RBFOX1: variants seen among roughly 807,000 people sequenced by gnomAD.
RBFOX1 encodes RNA binding fox-1 homolog 1.
In RBFOX1, 8 loss-of-function variants were observed where a neutral mutation model predicts 57.7. That is an observed-to-expected ratio of 0.14 (90% CI 0.08 to 0.25). The LOEUF (loss-of-function observed/expected upper bound fraction) is 0.25, where lower values mean the gene tolerates loss of function less well. Among genes scored for constraint, RBFOX1 ranks in the 10% least tolerant of loss-of-function variants. RBFOX1 has a pLI of 1.00. For synonymous variants in RBFOX1, 326 were observed against 222.4 expected (o/e 1.47, Z -4.15); for missense variants, 611 against 548.5 (o/e 1.11, Z -1.14).
At chr16:5,700,191 A>T (rs1244651960) in intron 3 of RBFOX1, among the ~76,000 whole-genome samples, 1 of 152,200 alleles carries the variant, frequency 6.6e-6, no homozygotes, top group Non-Finnish European at 1.5e-5. Flanking sequence ...AGTTATTTGA[A>T]GTCAGCATTT....
At chr16:6,463,371 TAA>T (rs2094963672) in intron 2 of RBFOX1, among the ~76,000 whole-genome samples, 2 of 152,194 alleles carry the variant, frequency 1.3e-5, no homozygotes, top group South Asian at 4.1e-4. Context: ...TGTTGTGTAT[TAA>T]AGAGTTTTGC....
At chr16:5,560,988 T>G (rs1597534501) in intron 2 of RBFOX1, among the ~76,000 whole-genome samples, 1 of 152,154 alleles carries the variant, frequency 6.6e-6, no homozygotes, top group African/African-American at 2.4e-5. Flanking sequence ...GGAGAAATGG[T>G]TAATGCCAGG....
chr16:6,300,294 A>T (rs944522143), intron 1 of RBFOX1, among the ~76,000 whole-genome samples: 1 of 152,222 alleles, frequency 6.6e-6, no homozygotes, highest in Non-Finnish European at 1.5e-5. Context: ...AACAATGTAT[A>T]TACTTGAATA....
At chr16:7,688,260 TGAGAGA>T (rs141940868) in intron 14 of RBFOX1, among the ~76,000 whole-genome samples, 20 of 125,388 alleles carry the variant, frequency 1.6e-4, no homozygotes, top group African/African-American at 4.7e-4. Flanking sequence ...TGTGTGTGTG[TGAGAGA>T]GAGAGAGAGA....
chr16:6,234,202 G>A (rs74005004), intron 1 of RBFOX1, among the ~76,000 whole-genome samples: 313 of 152,238 alleles, frequency 2.1e-3, no homozygotes, highest in African/African-American at 6.7e-3. Context: ...CCTTCACCAC[G>A]CACTTGTTTA....
chr16:7,086,358 C>T (rs1189121572), intron 4 of RBFOX1, among the ~76,000 whole-genome samples: 1 of 152,024 alleles, frequency 6.6e-6, no homozygotes, highest in Non-Finnish European at 1.5e-5. Flanking sequence ...AATATTTCCC[C>T]CTCTCCCCTT....
At chr16:5,826,886 G>A (rs2151817010) in intron 3 of RBFOX1, among the ~76,000 whole-genome samples, 1 of 152,258 alleles carries the variant, frequency 6.6e-6, no homozygotes, top group South Asian at 2.1e-4. Context: ...GCAAGCTAAG[G>A]AGCCCTGAAT....
intron 4 of RBFOX1, among the ~76,000 whole-genome samples, chr16:7,446,438 T>C (rs767467001): frequency 3.3e-5 from 5 of 152,130 alleles, no homozygotes; most frequent in Non-Finnish European, 7.4e-5. Context: ...TTCAGCAAGT[T>C]CTCCCTCACT....
At chr16:7,078,061 G>A (rs1159276178) in intron 4 of RBFOX1, among the ~76,000 whole-genome samples, 2 of 152,270 alleles carry the variant, frequency 1.3e-5, no homozygotes, top group African/African-American at 4.8e-5. Flanking sequence ...AGATTTTCCT[G>A]CCTTTGCCTC....
intron 4 of RBFOX1, among the ~76,000 whole-genome samples, chr16:7,292,564 C>G (rs1458821756): frequency 1.4e-5 from 2 of 144,336 alleles, no homozygotes; most frequent in African/African-American, 2.6e-5. Context: ...AAATATATAA[C>G]AGAAGTGGGT....
intron 4 of RBFOX1, among the ~76,000 whole-genome samples, chr16:7,080,081 A>G (rs1252163503): frequency 4.9e-5 from 7 of 143,110 alleles, no homozygotes; most frequent in African/African-American, 1.6e-4. Context: ...ATATATACAT[A>G]TGTATATATG....
At chr16:5,314,265 A>G (rs895697651) in intron 1 of RBFOX1, among the ~76,000 whole-genome samples, 10 of 152,236 alleles carry the variant, frequency 6.6e-5, no homozygotes, top group African/African-American at 2.4e-4. Flanking sequence ...CAGACCCAAC[A>G]GATAACCAGC....
At chr16:7,237,810 A>T (rs928346276) in intron 4 of RBFOX1, among the ~76,000 whole-genome samples, 3 of 152,224 alleles carry the variant, frequency 2.0e-5, no homozygotes, top group Admixed American at 1.3e-4. Flanking sequence ...GTTTGAGACC[A>T]GCATGGCCAA....
intron 10 of RBFOX1, among the ~76,000 whole-genome samples, chr16:7,615,588 A>G (rs1031187716): frequency 4.6e-5 from 7 of 152,070 alleles, no homozygotes; most frequent in African/African-American, 1.7e-4. Flanking sequence ...TTTTCTACCT[A>G]CAAGCTGCCT....
At chr16:5,751,563 T>TAA (rs1162043397) in intron 3 of RBFOX1, among the ~76,000 whole-genome samples, 1 of 152,158 alleles carries the variant, frequency 6.6e-6, no homozygotes, top group Admixed American at 6.5e-5. Flanking sequence ...GGATGAACTC[T>TAA]AGGAATCAGA....
At chr16:5,873,187 A>G (rs1280283141) in intron 4 of RBFOX1, among the ~76,000 whole-genome samples, 2 of 152,014 alleles carry the variant, frequency 1.3e-5, no homozygotes, top group African/African-American at 4.8e-5. Flanking sequence ...AACAACAACA[A>G]CAAAACAATA....
At chr16:6,317,240 C>T (rs765401125) in intron 2 of RBFOX1, among the ~76,000 whole-genome samples, 183 bp downstream of exon 2, 5 of 152,112 alleles carry the variant, frequency 3.3e-5, no homozygotes, top group Non-Finnish European at 7.3e-5. Context: ...GTAGAACCAC[C>T]CTCCTTTAGC....
intron 2 of RBFOX1, among the ~76,000 whole-genome samples, chr16:6,370,758 A>G (rs1337110385): frequency 2.6e-5 from 4 of 152,220 alleles, no homozygotes; most frequent in African/African-American, 9.7e-5. Context: ...TAGAATACTG[A>G]TAATAGTTGC....
At chr16:5,730,167 G>A (rs2151558310) in intron 3 of RBFOX1, among the ~76,000 whole-genome samples, 1 of 152,314 alleles carries the variant, frequency 6.6e-6, no homozygotes, top group East Asian at 1.9e-4. Flanking sequence ...AGATTATAAT[G>A]TTCATTGAAT....
Sources: allele counts gnomAD v4.1 joint callset (sites outside exome capture counted in the v4.1 genomes callset), GRCh38; gene constraint gnomAD v4.1.1; transcripts MANE v1.5; gene names NCBI Gene and HGNC (gene_info 2026-07-23, HGNC 2026-07-21).